FBRSL1: variants seen among roughly 807,000 people sequenced by gnomAD.
FBRSL1 encodes the protein fibrosin-1-like protein.
A neutral mutation model predicts 89.6 loss-of-function variants in FBRSL1; 51 were observed. The observed-to-expected ratio is 0.57, with a 90% CI of 0.45 to 0.72. FBRSL1 has a LOEUF of 0.72. FBRSL1 is among the 30% of genes least tolerant of loss of function. The pLI, the probability that FBRSL1 is intolerant of heterozygous loss-of-function variation, is 0.00. For synonymous variants in FBRSL1, 779 were observed against 681.1 expected (o/e 1.14, Z -2.24); for missense variants, 1,618 against 1,451.8 (o/e 1.11, Z -1.86).
intron 4 of FBRSL1, among the ~76,000 whole-genome samples, chr12:132,537,728 A>G (rs1455615776): frequency 1.3e-5 from 2 of 152,124 alleles, no homozygotes; most frequent in African/African-American, 4.8e-5. Flanking sequence ...GTCCCCTCCA[A>G]CCACAGTGTG....
At chr12:132,579,492 C>T (rs890429569) in intron 15 of FBRSL1, among the ~76,000 whole-genome samples, 1 of 152,236 alleles carries the variant, frequency 6.6e-6, no homozygotes, top group Non-Finnish European at 1.5e-5. Flanking sequence ...ATTTGTATGC[C>T]ATCTCTTGAT....
chr12:132,505,815 C>A (rs1009400033), intron 1 of FBRSL1, among the ~76,000 whole-genome samples: 7 of 152,246 alleles, frequency 4.6e-5, no homozygotes, highest in Admixed American at 3.3e-4. Flanking sequence ...AGCAGAGGGG[C>A]CAGCCGCACG....
chr12:132,511,620 A>C (rs2034351498), intron 2 of FBRSL1: 1 of 985,460 alleles, frequency 1.0e-6, no homozygotes, highest in African/African-American at 1.7e-5. Flanking sequence ...CCCCTGCGCC[A>C]CGTGACAGGA....
At chr12:132,491,473 T>C (rs1260392443) in intron 1 of FBRSL1, among the ~76,000 whole-genome samples, 2 of 152,258 alleles carry the variant, frequency 1.3e-5, no homozygotes, top group East Asian at 1.9e-4. Flanking sequence ...AAATGCTGTC[T>C]GAGAGTTGGG....
intron 2 of FBRSL1, among the ~76,000 whole-genome samples, chr12:132,521,974 G>A (rs1337968531): frequency 6.6e-6 from 1 of 152,136 alleles, no homozygotes; most frequent in Non-Finnish European, 1.5e-5. Context: ...GGTGAGGTGT[G>A]TACAGGGCCA....
At chr12:132,495,140 G>A (rs1020942136) in intron 1 of FBRSL1, among the ~76,000 whole-genome samples, 4 of 152,232 alleles carry the variant, frequency 2.6e-5, no homozygotes, top group African/African-American at 9.6e-5. Context: ...AGGGTGTGAG[G>A]GACTGGCCCA....
intron 15 of FBRSL1, among the ~76,000 whole-genome samples, chr12:132,577,581 G>A (rs12314709): frequency 0.059 from 9,032 of 152,068 alleles, 308 homozygotes; most frequent in Middle Eastern, 0.12. Context: ...GGGATCTGCC[G>A]GGAGCAGCGA....
chr12:132,510,904 G>A (rs2034259978), intron 2 of FBRSL1: 2 of 1,003,634 alleles, frequency 2.0e-6, no homozygotes, highest in African/African-American at 1.7e-5. Context: ...GCTTGCCCCT[G>A]GCGTGCCACC....
intron 2 of FBRSL1, chr12:132,511,984 A>G (rs2034393977): frequency 1.0e-6 from 1 of 985,478 alleles, no homozygotes; most frequent in South Asian, 4.7e-5. Flanking sequence ...ACAGACGAGC[A>G]TGTGTCTTAC....
intron 8 of FBRSL1, 56 bp downstream of exon 8, chr12:132,570,596 C>T (rs3751312): frequency 0.13 from 186,903 of 1,385,052 alleles, 13,538 homozygotes; most frequent in African/African-American, 0.26. Flanking sequence ...TGCGGGGACA[C>T]GGCCACCGGG....
chr12:132,511,647 G>T, intron 2 of FBRSL1: 1 of 985,554 alleles, frequency 1.0e-6, no homozygotes, highest in East Asian at 1.1e-4. Context: ...GGTCCTGCAG[G>T]CCTGGTCTTG....
chr12:132,507,787 C>T (rs1198012047), intron 1 of FBRSL1, among the ~76,000 whole-genome samples: 2 of 152,146 alleles, frequency 1.3e-5, no homozygotes, highest in Non-Finnish European at 2.9e-5. Flanking sequence ...CCCTGGCCCC[C>T]ACTGCAGGGC....
chr12:132,537,605 A>G (rs1408614254), intron 4 of FBRSL1, among the ~76,000 whole-genome samples: 1 of 152,192 alleles, frequency 6.6e-6, no homozygotes, highest in Non-Finnish European at 1.5e-5. Context: ...CACATGTCTG[A>G]TGGAATGTTC....
At chr12:132,509,879 CTTCCT>C in intron 2 of FBRSL1, 1 of 1,231,730 alleles carries the variant, frequency 8.1e-7, no homozygotes, top group African/African-American at 1.6e-5. Context: ...GGCCCGCCAG[CTTCCT>C]CCCAGGACAG....
intron 1 of FBRSL1, chr12:132,507,216 C>A: frequency 1.0e-6 from 1 of 985,510 alleles, no homozygotes; most frequent in Non-Finnish European, 1.2e-6. Context: ...GACATGGGTT[C>A]TGTCCTGGGC....
chr12:132,490,901 A>G, intron 1 of FBRSL1, 40 bp downstream of exon 1: 2 of 1,090,598 alleles, frequency 1.8e-6, no homozygotes, highest in Non-Finnish European at 1.2e-6. Flanking sequence ...TTGAGGCGAG[A>G]ACGGGGCCCG....
At chr12:132,535,261 C>T (rs114962373) in intron 4 of FBRSL1, among the ~76,000 whole-genome samples, 2,025 of 152,342 alleles carry the variant, frequency 0.013, 41 homozygotes, top group African/African-American at 0.045. Context: ...AGGTCAGCCA[C>T]GTGCTTGGGG....
chr12:132,555,417 G>A (rs1271241826), intron 5 of FBRSL1, among the ~76,000 whole-genome samples: 2 of 144,742 alleles, frequency 1.4e-5, no homozygotes, highest in South Asian at 2.2e-4. Context: ...CCACCCGAGC[G>A]TGAGCATGGC....
intron 9 of FBRSL1, chr12:132,571,943 C>T (rs1354874900): frequency 2.6e-5 from 10 of 391,526 alleles, no homozygotes; most frequent in East Asian, 4.3e-5. Flanking sequence ...GAGTTTTATT[C>T]GGAAACTGGC....
Sources: gnomAD v4.1 joint callset for allele counts (sites outside exome capture counted in the v4.1 genomes callset) on GRCh38, gnomAD v4.1.1 for gene constraint, MANE v1.5 for transcripts, NCBI Gene and HGNC (gene_info 2026-07-23, HGNC 2026-07-21) for gene names.